The following EFNA5 variants were observed in gnomAD, a reference collection of about 807,000 sequenced individuals.
EFNA5 encodes the protein ephrin A5, also known as ephrin-A5.
Under a neutral mutation model 22.9 loss-of-function variants are expected in EFNA5, and 5 were observed. The observed-to-expected ratio is 0.22, with a 90% confidence interval of 0.11 to 0.46. The LOEUF is 0.46. Among genes scored for constraint, EFNA5 ranks in the 20% least tolerant of loss-of-function variants. The probability of loss-of-function intolerance (pLI) is 0.99; values close to 1 mark genes in which losing one functional copy is unlikely to be tolerated. For missense variants in EFNA5, 237 were observed against 293.3 expected, an observed-to-expected ratio of 0.81 and a Z score of 1.40; for synonymous variants, 113 against 112.2, an observed-to-expected ratio of 1.01 and a Z score of -0.04.
intron 1 of EFNA5, among the ~76,000 whole-genome samples, chr5:107,558,045 G>C (rs980829752): frequency 9.9e-5 from 15 of 152,072 alleles, no homozygotes; most frequent in African/African-American, 3.6e-4. Flanking sequence ...CCTGGCACAT[G>C]GTATATATAA....
chr5:107,537,889 C>G (rs1328816919), intron 1 of EFNA5, among the ~76,000 whole-genome samples: 2 of 152,094 alleles, frequency 1.3e-5, no homozygotes, highest in African/African-American at 4.8e-5. Context: ...TGGAAAGAAG[C>G]CAGATACACA....
intron 1 of EFNA5, 133 bp downstream of exon 1, chr5:107,670,356 A>C: frequency 8.1e-7 from 1 of 1,231,074 alleles, no homozygotes; most frequent in Non-Finnish European, 1.1e-6. Flanking sequence ...GCCTCAAGCC[A>C]TCAGCGCCCG....
intron 1 of EFNA5, among the ~76,000 whole-genome samples, chr5:107,597,531 C>T (rs1227597751): frequency 6.6e-6 from 1 of 152,020 alleles, no homozygotes; most frequent in African/African-American, 2.4e-5. Flanking sequence ...TATTGTATCA[C>T]ACAGAATATA....
At chr5:107,638,615 G>A (rs1750435761) in intron 1 of EFNA5, among the ~76,000 whole-genome samples, 1 of 152,176 alleles carries the variant, frequency 6.6e-6, no homozygotes. Flanking sequence ...GGTATTATAA[G>A]TAACCTGGGG....
intron 1 of EFNA5, among the ~76,000 whole-genome samples, chr5:107,451,055 T>G (rs1749547568): frequency 6.6e-6 from 1 of 152,252 alleles, no homozygotes; most frequent in Non-Finnish European, 1.5e-5. Context: ...GCTGGAGGTC[T>G]TACCAAGATG....
Position 107,554,899 on chromosome 5 carries a change from G to A in EFNA5, c.125+115590C>T, listed in dbSNP as rs77342222. Among the ~76,000 whole-genome samples, 1,336 of 152,266 alleles carry A rather than the reference G, an allele frequency of 8.8e-3. 13 individuals are homozygous for A. Among genetic ancestry groups the A allele is most frequent in the African/African-American group, 0.031 (1,283 of 41,548 alleles). ...TCTTTGGAGGGACATTTACTACTAC[G>A]TTCTGCAACAGCAGCTTCTGCCAGC... On this transcript the variant is annotated intron_variant, in intron 1 of 4. Coordinates refer to ENST00000333274, the MANE Select transcript of EFNA5 (RefSeq NM_001962.3).
intron 1 of EFNA5, among the ~76,000 whole-genome samples, chr5:107,545,123 A>G (rs1458215319): frequency 2.0e-5 from 3 of 152,222 alleles, no homozygotes; most frequent in African/African-American, 7.2e-5. Context: ...TGAGGAAATA[A>G]AAGTCACACA....
At chr5:107,635,502 A>C (rs959892150) in intron 1 of EFNA5, among the ~76,000 whole-genome samples, 20 of 152,218 alleles carry the variant, frequency 1.3e-4, no homozygotes, top group African/African-American at 4.6e-4. Context: ...GCAGTATTTG[A>C]ATTTGTAGAT....
At chr5:107,537,141 A>G (rs1405315793) in intron 1 of EFNA5, among the ~76,000 whole-genome samples, 1 of 152,108 alleles carries the variant, frequency 6.6e-6, no homozygotes, top group Non-Finnish European at 1.5e-5. Flanking sequence ...ATTTCTCAAA[A>G]CTAATCAACA....
chr5:107,630,732 T>C (rs772665905), intron 1 of EFNA5, among the ~76,000 whole-genome samples: 17 of 152,202 alleles, frequency 1.1e-4, no homozygotes, highest in Non-Finnish European at 2.2e-4. Context: ...TTTTACTTTA[T>C]AAACTTTTCA....
At chr5:107,636,360 A>C (rs577302831) in intron 1 of EFNA5, among the ~76,000 whole-genome samples, 48 of 152,346 alleles carry the variant, frequency 3.2e-4, no homozygotes, top group African/African-American at 1.1e-3. Flanking sequence ...TGGCGAACAG[A>C]ATTTAATATT....
chr5:107,583,788 G>A (rs567441768), intron 1 of EFNA5, among the ~76,000 whole-genome samples: 3 of 152,210 alleles, frequency 2.0e-5, no homozygotes, highest in Non-Finnish European at 4.4e-5. Flanking sequence ...CCATTAGTTC[G>A]ATCAATCTTT....
At chr5:107,447,624 G>A (rs917353077) in intron 1 of EFNA5, among the ~76,000 whole-genome samples, 1 of 152,130 alleles carries the variant, frequency 6.6e-6, no homozygotes, top group Admixed American at 6.6e-5. Flanking sequence ...ATAGTAAACA[G>A]CAAAAGACTT....
chr5:107,556,574 C>G (rs1341733461), intron 1 of EFNA5, among the ~76,000 whole-genome samples: 1 of 151,752 alleles, frequency 6.6e-6, no homozygotes, highest in African/African-American at 2.4e-5. Flanking sequence ...GATGAAACCC[C>G]GTTTCTAGTA....
intron 4 of EFNA5, among the ~76,000 whole-genome samples, chr5:107,382,958 G>A (rs968018407): frequency 2.0e-5 from 3 of 152,102 alleles, no homozygotes; most frequent in Admixed American, 6.5e-5. Flanking sequence ...CCTACCACAC[G>A]TGTCACAATA....
At chr5:107,586,451 G>A (rs1326587594) in intron 1 of EFNA5, among the ~76,000 whole-genome samples, 2 of 152,184 alleles carry the variant, frequency 1.3e-5, no homozygotes, top group Non-Finnish European at 1.5e-5. Context: ...GAGGGAGGAC[G>A]TAGAACTATG....
At chr5:107,657,083 G>A (rs1750842581) in intron 1 of EFNA5, among the ~76,000 whole-genome samples, 1 of 151,972 alleles carries the variant, frequency 6.6e-6, no homozygotes, top group South Asian at 2.1e-4. Flanking sequence ...GGAAGAACTT[G>A]GTTACAACCT....
chr5:107,614,619 G>A (rs1434696041), intron 1 of EFNA5, among the ~76,000 whole-genome samples: 1 of 152,108 alleles, frequency 6.6e-6, no homozygotes, highest in Admixed American at 6.6e-5. Flanking sequence ...CCTCTGGAGA[G>A]GAGTCTTTTC....
At position 107,388,110 on chromosome 5, in the gene EFNA5, T is replaced by C. The variant is rs148062909; in HGVS notation, c.419-339A>G. The stretch of plus-strand genomic sequence containing the variant: ...TTCTCTAAATCGAGAGGATAATGTG[T>C]GAGCCCTCCAGCTTTCACAGAGCCG... On this transcript the variant is annotated intron_variant, in intron 2 of 4. Transcript: ENST00000333274. Among the ~76,000 whole-genome samples, 307 of 152,340 alleles carry C rather than the reference T, an allele frequency of 2.0e-3. 1 individual carries two copies. Among genetic ancestry groups the C allele is most frequent in the African/African-American group, 7.2e-3 (300 of 41,580 alleles).
Sources: allele counts gnomAD v4.1 joint callset (sites outside exome capture counted in the v4.1 genomes callset), GRCh38; gene constraint gnomAD v4.1.1; transcripts MANE v1.5; gene names NCBI Gene and HGNC (gene_info 2026-07-23, HGNC 2026-07-21).